Variants in FGFR2 observed in about 807,000 individuals in gnomAD.
FGFR2 encodes BEK fibroblast growth factor receptor.
A neutral mutation model predicts 95.9 loss-of-function variants in FGFR2; 19 were observed. The observed-to-expected ratio is 0.20, with a 90% CI of 0.14 to 0.29. The LOEUF (loss-of-function observed/expected upper bound fraction) is 0.29, where lower values mean the gene tolerates loss of function less well. FGFR2 is among the 10% of genes least tolerant of loss of function. The pLI is 1.00. For synonymous variants in FGFR2, 392 were observed against 393.3 expected, an observed-to-expected ratio of 1.00 and a Z score of 0.04; for missense variants, 707 against 1,056.9, an observed-to-expected ratio of 0.67 and a Z score of 4.59.
intron 9 of FGFR2, among the ~76,000 whole-genome samples, chr10:121,511,094 G>A (rs918243814): frequency 2.6e-5 from 4 of 151,792 alleles, no homozygotes; most frequent in African/African-American, 9.7e-5. Context: ...CATGAGCCAC[G>A]GCACCCAGTC....
intron 5 of FGFR2, among the ~76,000 whole-genome samples, chr10:121,539,246 T>G (rs1307227622): frequency 4.6e-5 from 7 of 152,244 alleles, no homozygotes; most frequent in African/African-American, 1.7e-4. Flanking sequence ...TCTGGATGTC[T>G]CAAGAAGTTT....
At chr10:121,592,237 G>A (rs1385114407) in intron 2 of FGFR2, among the ~76,000 whole-genome samples, 1 of 152,148 alleles carries the variant, frequency 6.6e-6, no homozygotes, top group Non-Finnish European at 1.5e-5. Context: ...GTACAGGCAT[G>A]ACTTTCAGAA....
chr10:121,534,506 C>G (rs576444507), intron 6 of FGFR2, among the ~76,000 whole-genome samples: 2 of 152,210 alleles, frequency 1.3e-5, no homozygotes, highest in African/African-American at 4.8e-5. Context: ...AGCAATTCTC[C>G]TACCTCAGCT....
chr10:121,521,104 G>A (rs1262022810), intron 6 of FGFR2, among the ~76,000 whole-genome samples: 1 of 152,162 alleles, frequency 6.6e-6, no homozygotes, highest in Non-Finnish European at 1.5e-5. Flanking sequence ...CACCCATTTA[G>A]CTCTTTGATG....
At chr10:121,573,597 G>C (rs889171549) in intron 2 of FGFR2, among the ~76,000 whole-genome samples, 6 of 152,012 alleles carry the variant, frequency 3.9e-5, no homozygotes, top group African/African-American at 1.5e-4. Flanking sequence ...GGAAAAGGAA[G>C]GGAGAGAAAC....
chr10:121,557,443 G>A (rs182473937), intron 4 of FGFR2, among the ~76,000 whole-genome samples: 7 of 152,096 alleles, frequency 4.6e-5, no homozygotes, highest in African/African-American at 1.7e-4. Flanking sequence ...CAAGTAACTG[G>A]GACTGCAGGC....
intron 9 of FGFR2, among the ~76,000 whole-genome samples, chr10:121,508,038 T>C (rs1848550596): frequency 6.6e-6 from 1 of 152,222 alleles, no homozygotes; most frequent in Admixed American, 6.5e-5. Flanking sequence ...TCACTAGAAA[T>C]GACTAAGTAT....
chr10:121,538,853 G>T (rs961051154), intron 5 of FGFR2, 138 bp from the exon 6 acceptor site: 2 of 1,091,758 alleles, frequency 1.8e-6, no homozygotes, highest in Non-Finnish European at 2.7e-6. Flanking sequence ...ATTGATAACT[G>T]TCATTAAGAA....
In FGFR2 at chr10:121,547,347, G is replaced by T. The variant is rs116996271; in HGVS notation, c.624+3943C>A. 3.5e-3 allele frequency among the ~76,000 whole-genome samples: 539 copies of T among 151,948 alleles called. 4 individuals carry two copies. The highest frequency in any genetic ancestry group is 4.6e-3 in the Non-Finnish European group (313 of 67,954). On this transcript the variant is annotated intron_variant, in intron 5 of 17. Transcript: ENST00000358487. ...TGCTTTTGAGGAAGTGCCGAGGAAT[G>T]AAAATAACAATATAGTTCCCTGAAG...
chr10:121,512,159 C>T (rs1271096844), intron 9 of FGFR2, among the ~76,000 whole-genome samples: 2 of 152,188 alleles, frequency 1.3e-5, no homozygotes, highest in Admixed American at 6.5e-5. Context: ...ATCCTTGACA[C>T]ATCTGATTAG....
intron 4 of FGFR2, among the ~76,000 whole-genome samples, chr10:121,553,865 C>T (rs1260354715): frequency 6.6e-6 from 1 of 152,200 alleles, no homozygotes; most frequent in Non-Finnish European, 1.5e-5. Context: ...TCTGCCCTCA[C>T]TGGGCCAAGC....
In FGFR2 at chr10:121,538,382, A is replaced by G. The variant is rs776098050; in HGVS notation, c.748+210T>C. On this transcript the variant is annotated intron_variant, in intron 6 of 17. Transcript: ENST00000358487. ...CAGATGACGCTTGGGAACCATGAGG[A>G]TCATGCAAAGCTCATAAACCCTGGC... 7.3e-6 allele frequency: 6 copies of G among 818,810 alleles called. No homozygotes were observed. In the East Asian group the frequency reaches 1.4e-4, roughly 20 times the overall value. 50.7% of individuals were successfully genotyped at this position (818,810 alleles called of 1,614,324 possible). A position where few individuals can be genotyped will look rare whatever the true frequency, so the allele number is the denominator to read the frequency against.
At chr10:121,511,178 A>C (rs1849010998) in intron 9 of FGFR2, among the ~76,000 whole-genome samples, 1 of 152,034 alleles carries the variant, frequency 6.6e-6, no homozygotes, top group Admixed American at 6.5e-5. Flanking sequence ...GTCTGAAAAA[A>C]ACAAAAAAAA....
chr10:121,573,154 T>C (rs989746828), intron 2 of FGFR2, among the ~76,000 whole-genome samples: 1 of 152,202 alleles, frequency 6.6e-6, no homozygotes, highest in Non-Finnish European at 1.5e-5. Context: ...CCTATAAACT[T>C]TTCCCGTGTG....
intron 2 of FGFR2, among the ~76,000 whole-genome samples, chr10:121,582,522 C>T (rs1017379112): frequency 2.6e-5 from 4 of 152,054 alleles, no homozygotes; most frequent in Admixed American, 6.6e-5. Context: ...CGGCCAGGTG[C>T]GGTGGTTCAC....
chr10:121,539,996 A>C (rs982004338), intron 5 of FGFR2, among the ~76,000 whole-genome samples: 1 of 152,238 alleles, frequency 6.6e-6, no homozygotes, highest in African/African-American at 2.4e-5. Flanking sequence ...TCAGCCACTC[A>C]GTTCTATGCA....
chr10:121,547,400 C>CTT (rs764591388), intron 5 of FGFR2, among the ~76,000 whole-genome samples: 99 of 139,394 alleles, frequency 7.1e-4, no homozygotes, highest in East Asian at 2.3e-3. Flanking sequence ...CCTTTTTTTT[C>CTT]TTTTTTTTTT....
intron 10 of FGFR2, among the ~76,000 whole-genome samples, chr10:121,502,519 T>C (rs1206997276): frequency 6.6e-6 from 1 of 152,224 alleles, no homozygotes; most frequent in Non-Finnish European, 1.5e-5. Flanking sequence ...GAAACAAAAC[T>C]GATGTGACAT....
At chr10:121,524,146 A>ACACACACACACACCCCCC (rs142755962) in intron 6 of FGFR2, among the ~76,000 whole-genome samples, 8 of 136,890 alleles carry the variant, frequency 5.8e-5, no homozygotes, top group Non-Finnish European at 1.2e-4. Flanking sequence ...ACACACACAC[A>ACACACACACACACCCCCC]CCCCAAGTTT....
Sources: gnomAD v4.1 joint callset for allele counts (sites outside exome capture counted in the v4.1 genomes callset) on GRCh38, gnomAD v4.1.1 for gene constraint, MANE v1.5 for transcripts, NCBI Gene and HGNC (gene_info 2026-07-23, HGNC 2026-07-21) for gene names.